Variants in LRMDA observed in about 807,000 individuals in gnomAD.
LRMDA encodes leucine rich melanocyte differentiation associated.
In LRMDA, 18 loss-of-function variants were observed where a neutral mutation model predicts 29.8. The observed-to-expected ratio is 0.60, with a 90% CI of 0.42 to 0.90. The LOEUF is 0.90. Among genes scored for constraint, LRMDA ranks in the 40% least tolerant of loss-of-function variants. The pLI, the probability that LRMDA is intolerant of heterozygous loss-of-function variation, is 0.00. For missense variants in LRMDA, 273 were observed against 273.9 expected (o/e 1.00, Z 0.02); for synonymous variants, 125 against 109.4 (o/e 1.14, Z -0.89).
chr10:75,937,323 T>G (rs547537549), intron 2 of LRMDA, among the ~76,000 whole-genome samples: 1 of 152,352 alleles, frequency 6.6e-6, no homozygotes, highest in South Asian at 2.1e-4. Context: ...TAGATAAGCC[T>G]TGAAGAGAAG....
At chr10:75,571,269 T>C (rs1159296741) in intron 2 of LRMDA, among the ~76,000 whole-genome samples, 2 of 151,896 alleles carry the variant, frequency 1.3e-5, no homozygotes, top group Non-Finnish European at 2.9e-5. Context: ...GTTAAAGGAG[T>C]TGGATGTATA....
chr10:75,950,837 T>C (rs2132419712), intron 2 of LRMDA, among the ~76,000 whole-genome samples: 1 of 152,318 alleles, frequency 6.6e-6, no homozygotes, highest in East Asian at 1.9e-4. Context: ...GATCTCCTTA[T>C]GGCTCCTGGA....
chr10:76,419,089 T>C (rs1313516497), intron 6 of LRMDA, among the ~76,000 whole-genome samples: 2 of 152,118 alleles, frequency 1.3e-5, no homozygotes, highest in African/African-American at 4.8e-5. Flanking sequence ...AACACATTAT[T>C]ATCACCCAAA....
rs79623387 is a variant in LRMDA at position 75,492,794 on chromosome 10, C to T, written c.131+54300C>T. 8.7e-3 allele frequency among the ~76,000 whole-genome samples: 1,321 copies of T among 152,270 alleles called. 16 individuals are homozygous for T. Among genetic ancestry groups the T allele is most frequent in the African/African-American group, 0.025 (1,041 of 41,556 alleles). ...CCAAAAATATTTTTGATACAATGTG[C>T]ATTTAATCAACTTTTTGTTACTGTT... On this transcript the variant is annotated intron_variant, in intron 2 of 6. Coordinates refer to ENST00000611255, the MANE Select transcript of LRMDA (RefSeq NM_001305581.2).
chr10:75,436,580 A>G (rs969721239), intron 1 of LRMDA, among the ~76,000 whole-genome samples: 1 of 151,052 alleles, frequency 6.6e-6, no homozygotes, highest in Admixed American at 6.6e-5. Flanking sequence ...CCATTCTCCT[A>G]CCCTAGCCTC....
In LRMDA at chr10:76,559,452, C is replaced by T. The variant is rs926431984; in HGVS notation, c.*2164C>T. 3 of 152,058 alleles carry T rather than the reference C, an allele frequency of 2.0e-5. No homozygotes were observed. The highest frequency in any genetic ancestry group is 4.4e-5 in the Non-Finnish European group (3 of 68,028). The allele number at this position is 152,058 out of a possible 1,614,324, so 9.4% of individuals were successfully genotyped here. A position where few individuals can be genotyped will look rare whatever the true frequency, so the allele number is the denominator to read the frequency against. On this transcript the variant is annotated 3_prime_UTR_variant, in exon 7 of 7. Transcript: ENST00000611255. ...CTTTAATTATAAATTACCTAAAGGC[C>T]ATCACTAAGGTATATTCATCTTATT...
At chr10:75,438,008 A>G (rs989312794) in intron 1 of LRMDA, among the ~76,000 whole-genome samples, 7 of 152,180 alleles carry the variant, frequency 4.6e-5, no homozygotes, top group Admixed American at 4.6e-4. Context: ...ACTGGAGGGC[A>G]GTGGAGGAGA....
chr10:75,771,738 T>C (rs971140930), intron 2 of LRMDA, among the ~76,000 whole-genome samples: 6 of 152,224 alleles, frequency 3.9e-5, no homozygotes, highest in African/African-American at 1.4e-4. Flanking sequence ...GTTCCTACTT[T>C]TTGAGAATCA....
chr10:75,486,504 A>G (rs149103407), intron 2 of LRMDA, among the ~76,000 whole-genome samples: 2 of 152,332 alleles, frequency 1.3e-5, no homozygotes, highest in Non-Finnish European at 2.9e-5. Context: ...ATCTTGCTCC[A>G]CAAAATGCTG....
intron 6 of LRMDA, among the ~76,000 whole-genome samples, chr10:76,371,388 G>A (rs966460672): frequency 2.0e-5 from 3 of 152,020 alleles, no homozygotes; most frequent in African/African-American, 4.8e-5. Context: ...TGAGTTTAGT[G>A]TTTCATTTTG....
At chr10:76,202,654 G>A (rs967586110) in intron 5 of LRMDA, among the ~76,000 whole-genome samples, 1 of 152,050 alleles carries the variant, frequency 6.6e-6, no homozygotes, top group Non-Finnish European at 1.5e-5. Flanking sequence ...CAGAATGAAG[G>A]AAAGCTAAAC....
chr10:76,293,820 A>T (rs1278561488), intron 5 of LRMDA, among the ~76,000 whole-genome samples: 2 of 152,342 alleles, frequency 1.3e-5, no homozygotes, highest in Non-Finnish European at 2.9e-5. Context: ...TATCTCTGAG[A>T]AATAACTCAA....
At chr10:76,218,727 C>T (rs1851773523) in intron 5 of LRMDA, among the ~76,000 whole-genome samples, 1 of 152,152 alleles carries the variant, frequency 6.6e-6, no homozygotes, top group South Asian at 2.1e-4. Flanking sequence ...GATCAAATCA[C>T]CATTTTTACT....
chr10:76,415,275 C>T (rs1907345), intron 6 of LRMDA, among the ~76,000 whole-genome samples: 13,825 of 152,258 alleles, frequency 0.091, 786 homozygotes, highest in Admixed American at 0.16. Flanking sequence ...AGACATCAGT[C>T]CAGAGTCTGA....
chr10:75,634,431 C>T (rs1841365369), intron 2 of LRMDA, among the ~76,000 whole-genome samples: 1 of 152,196 alleles, frequency 6.6e-6, no homozygotes, highest in Non-Finnish European at 1.5e-5. Context: ...TTATCTCTGA[C>T]TTCTTTTGAA....
At chr10:76,379,796 G>T (rs755858798) in intron 6 of LRMDA, among the ~76,000 whole-genome samples, 1 of 152,002 alleles carries the variant, frequency 6.6e-6, no homozygotes, top group African/African-American at 2.4e-5. Context: ...TTCTTGATGC[G>T]TGACCTTAGA....
chr10:76,431,405 G>A (rs1183250214), intron 6 of LRMDA, among the ~76,000 whole-genome samples: 35 of 152,126 alleles, frequency 2.3e-4, no homozygotes, highest in Admixed American at 2.2e-3. Flanking sequence ...CCTGGGTGAC[G>A]ACAGTGTTAA....
intron 2 of LRMDA, among the ~76,000 whole-genome samples, chr10:75,542,359 C>T (rs1840028812): frequency 6.6e-6 from 1 of 151,934 alleles, no homozygotes; most frequent in Non-Finnish European, 1.5e-5. Context: ...TTCAGCAAGA[C>T]AAAGGAGTGT....
intron 6 of LRMDA, among the ~76,000 whole-genome samples, chr10:76,512,808 A>C (rs1843022050): frequency 1.3e-5 from 2 of 152,174 alleles, no homozygotes; most frequent in African/African-American, 2.4e-5. Context: ...GTATTGGGAC[A>C]TATTAACTAT....
Sources: gnomAD v4.1 joint callset for allele counts (sites outside exome capture counted in the v4.1 genomes callset) on GRCh38, gnomAD v4.1.1 for gene constraint, MANE v1.5 for transcripts, NCBI Gene and HGNC (gene_info 2026-07-23, HGNC 2026-07-21) for gene names.